The following GRIA4 variants were observed in gnomAD, a reference collection of about 807,000 sequenced individuals.
GRIA4 encodes the protein glutamate receptor 4.
A neutral mutation model predicts 104.0 loss-of-function variants in GRIA4; 34 were observed. The ratio of observed to expected loss-of-function variants is 0.33; its 90% confidence interval spans 0.25 to 0.44. The LOEUF (loss-of-function observed/expected upper bound fraction) is 0.44, where lower values mean the gene tolerates loss of function less well. Among genes scored for constraint, GRIA4 ranks in the 20% least tolerant of loss-of-function variants. GRIA4 has a pLI of 1.00. For synonymous variants in GRIA4, 386 were observed against 381.9 expected, an observed-to-expected ratio of 1.01 and a Z score of -0.13; for missense variants, 750 against 1,096.5, an observed-to-expected ratio of 0.68 and a Z score of 4.46.
intron 3 of GRIA4, among the ~76,000 whole-genome samples, chr11:105,702,694 C>CTT (rs1237776884): frequency 1.1e-5 from 1 of 88,776 alleles, no homozygotes; most frequent in African/African-American, 4.1e-5. Context: ...ATTTTCCTTT[C>CTT]TTTTTTTTTT....
At chr11:105,747,052 G>T (rs919050068) in intron 3 of GRIA4, among the ~76,000 whole-genome samples, 1 of 152,098 alleles carries the variant, frequency 6.6e-6, no homozygotes, top group Non-Finnish European at 1.5e-5. Flanking sequence ...ACTCCCATAA[G>T]AATTTTGACG....
At chr11:105,967,559 G>C (rs2136276457) in intron 14 of GRIA4, among the ~76,000 whole-genome samples, 2 of 152,124 alleles carry the variant, frequency 1.3e-5, no homozygotes, top group East Asian at 3.9e-4. Flanking sequence ...CACCAAACAT[G>C]AACTACAAAA....
chr11:105,669,361 C>T (rs916912613), intron 3 of GRIA4, among the ~76,000 whole-genome samples: 1 of 150,468 alleles, frequency 6.6e-6, no homozygotes, highest in African/African-American at 2.4e-5. Flanking sequence ...ATGTCATATA[C>T]ACACAATGTT....
At chr11:105,920,250 A>G (rs1317748496) in intron 11 of GRIA4, among the ~76,000 whole-genome samples, 3 of 152,194 alleles carry the variant, frequency 2.0e-5, no homozygotes, top group African/African-American at 7.2e-5. Flanking sequence ...AATGTATTTT[A>G]CCACAGAGTT....
At chr11:105,678,448 TTGGGG>T (rs1952609551) in intron 3 of GRIA4, among the ~76,000 whole-genome samples, 1 of 152,090 alleles carries the variant, frequency 6.6e-6, no homozygotes, top group Non-Finnish European at 1.5e-5. Flanking sequence ...CTGTTTTTAA[TTGGGG>T]AAGCTAATGC....
intron 4 of GRIA4, among the ~76,000 whole-genome samples, chr11:105,812,265 C>T (rs1943204206): frequency 6.6e-6 from 1 of 152,158 alleles, no homozygotes; most frequent in East Asian, 1.9e-4. Flanking sequence ...TGTCTCCACC[C>T]TTCACCATGT....
intron 3 of GRIA4, among the ~76,000 whole-genome samples, chr11:105,640,367 G>C (rs1951324410): frequency 6.6e-6 from 1 of 151,528 alleles, no homozygotes; most frequent in African/African-American, 2.4e-5. Context: ...AACATACCTG[G>C]GGGTAGACAA....
intron 16 of GRIA4, among the ~76,000 whole-genome samples, chr11:105,978,972 A>G (rs1859134370): frequency 6.6e-6 from 1 of 152,166 alleles, no homozygotes; most frequent in Non-Finnish European, 1.5e-5. Context: ...CCTTTTAAAT[A>G]CAGTTCTTAA....
chr11:105,770,383 C>A (rs1346801444), intron 4 of GRIA4, among the ~76,000 whole-genome samples: 2 of 151,854 alleles, frequency 1.3e-5, no homozygotes, highest in Non-Finnish European at 2.9e-5. Context: ...ATATTTTTGC[C>A]AAACTATATA....
intron 8 of GRIA4, 34 bp downstream of exon 8, chr11:105,904,015 TC>T (rs772094498): frequency 1.7e-5 from 25 of 1,453,220 alleles, no homozygotes; most frequent in Non-Finnish European, 2.0e-5. Context: ...TCAATTCATT[TC>T]ATGGTCTTGT....
intron 5 of GRIA4, among the ~76,000 whole-genome samples, chr11:105,873,630 G>A (rs1303988271): frequency 1.3e-5 from 2 of 152,044 alleles, no homozygotes; most frequent in Admixed American, 1.3e-4. Context: ...GGCATGAGAT[G>A]GTATCTCATT....
Position 105,926,783 on chromosome 11 carries a change from T to C in GRIA4, c.1890T>C (p.Phe630=), listed in dbSNP as rs1338265767. 2.5e-6 allele frequency: 4 copies of C among 1,610,944 alleles called. No homozygotes were observed. The East Asian group carries it at 6.7e-5, about 27-fold the overall frequency. Residue 630 remains phenylalanine, a synonymous_variant, in exon 13 of 17, where the codon TTT becomes TTC. Coordinates refer to ENST00000282499, the MANE Select transcript of GRIA4 (RefSeq NM_000829.4). ...TTGTTGGAGGTGTTTGGTGGTTCTT[T>C]ACACTCATCATTATATCATCTTATA... ...GRIVGGVWWF[F]TLIIISSYTA... is the part of the protein sequence containing the mutation.
intron 4 of GRIA4, among the ~76,000 whole-genome samples, chr11:105,783,836 G>T (rs1040611285): frequency 5.9e-5 from 9 of 151,526 alleles, no homozygotes; most frequent in African/African-American, 2.2e-4. Flanking sequence ...GAGGCTGAAA[G>T]TTCAAGAGAC....
At chr11:105,950,874 G>C (rs972713222) in intron 14 of GRIA4, among the ~76,000 whole-genome samples, 4 of 152,022 alleles carry the variant, frequency 2.6e-5, no homozygotes, top group Non-Finnish European at 5.9e-5. Context: ...TGAATATATA[G>C]TTTAGCTATA....
intron 4 of GRIA4, among the ~76,000 whole-genome samples, chr11:105,794,504 T>TATAC (rs1942388726): frequency 8.2e-6 from 1 of 122,232 alleles, no homozygotes; most frequent in African/African-American, 3.3e-5. Flanking sequence ...TATATATATA[T>TATAC]ATATATATAC....
intron 14 of GRIA4, among the ~76,000 whole-genome samples, chr11:105,947,194 C>T (rs1409995849): frequency 2.0e-5 from 3 of 152,152 alleles, no homozygotes; most frequent in Non-Finnish European, 4.4e-5. Flanking sequence ...ACTTTTAGCT[C>T]ATGGCATATT....
intron 3 of GRIA4, among the ~76,000 whole-genome samples, chr11:105,653,454 C>A (rs998515828): frequency 1.3e-5 from 2 of 152,166 alleles, no homozygotes; most frequent in Admixed American, 1.3e-4. Flanking sequence ...AAGGGGATGG[C>A]TCATGTCCCA....
rs373776560 is a variant in GRIA4, at chr11:105,827,352, A to G, written c.488-34672A>G. ...TTACTTTAGTGGAGATTTTTAAATTATGTTGCTGATTCATTACTATTAAGC... is the reference window on the plus strand; with the variant it reads ...TTACTTTAGTGGAGATTTTTAAATTGTGTTGCTGATTCATTACTATTAAGC... On this transcript the variant is annotated intron_variant, in intron 4 of 16. Transcript: ENST00000282499. Among the ~76,000 whole-genome samples the G allele has an allele frequency of 4.9e-4, 75 of 152,164 alleles. 3 individuals carry two copies. The South Asian group carries it at 0.012, about 25-fold the overall frequency.
chr11:105,774,429 T>G (rs2135751624), intron 4 of GRIA4, among the ~76,000 whole-genome samples: 1 of 152,116 alleles, frequency 6.6e-6, no homozygotes, highest in Admixed American at 6.6e-5. Flanking sequence ...GATGGAAATA[T>G]GAAATAATAA....
Sources: allele counts gnomAD v4.1 joint callset (sites outside exome capture counted in the v4.1 genomes callset), GRCh38; gene constraint gnomAD v4.1.1; transcripts MANE v1.5; gene names NCBI Gene and HGNC (gene_info 2026-07-23, HGNC 2026-07-21).